ARHGAP44: variants seen among roughly 807,000 people sequenced by gnomAD.
ARHGAP44 encodes rho GTPase-activating protein 44.
A neutral mutation model predicts 106.8 loss-of-function variants in ARHGAP44; 43 were observed. The observed-to-expected ratio is 0.40, with a 90% confidence interval of 0.32 to 0.52. ARHGAP44 has a LOEUF of 0.52. ARHGAP44 is among the 20% of genes least tolerant of loss of function. The pLI is 0.48. For missense variants in ARHGAP44, 866 were observed against 1,050.5 expected, an observed-to-expected ratio of 0.82 and a Z score of 2.43; for synonymous variants, 439 against 410.3, an observed-to-expected ratio of 1.07 and a Z score of -0.85.
intron 1 of ARHGAP44, among the ~76,000 whole-genome samples, chr17:12,893,767 G>T (rs1476011408): frequency 1.3e-5 from 2 of 152,280 alleles, no homozygotes; most frequent in Non-Finnish European, 2.9e-5. Context: ...TTTCTAGGCT[G>T]CTCCTTTCTT....
chr17:12,859,630 A>G lies in ARHGAP44; in HGVS notation c.54-35310A>G, dbSNP rs74887618. Among the ~76,000 whole-genome samples, 463 of 152,314 alleles carry G rather than the reference A, an allele frequency of 3.0e-3. 13 individuals carry two copies. In the South Asian group the frequency reaches 0.045, roughly 15 times the overall value. On this transcript the variant is annotated intron_variant, in intron 1 of 20. Transcript: ENST00000379672. ...GTCTCATTGTTATTCTTGTTGAGTCATATCTGCCATCTTTTGCTGTTCTAT... is the reference window on the plus strand; with the variant it reads ...GTCTCATTGTTATTCTTGTTGAGTCGTATCTGCCATCTTTTGCTGTTCTAT...
chr17:12,956,789 A>G (rs1285656203), intron 15 of ARHGAP44, 43 bp downstream of exon 15: 2 of 1,564,270 alleles, frequency 1.3e-6, no homozygotes, highest in South Asian at 1.1e-5. Flanking sequence ...GGCAGGGAAC[A>G]GGAGTATCAC....
At position 12,941,082 on chromosome 17, in the gene ARHGAP44, T is replaced by G; in HGVS notation, c.609T>G (p.Ser203Arg). The stretch of plus-strand genomic sequence containing the variant: ...ACCAGCTCTCAGCTGATATGTACAG[T>G]TTTGTGGCCAAAGAAATTGACTATG... ...CRDQLSADMY[S>R]FVAKEIDYAN... Residue 203 changes from serine to arginine, a missense_variant, in exon 8 of 21, where the codon AGT becomes AGG. This residue lies in a region of ARHGAP44 where 448 missense variants were observed against 646.9 expected (regional missense o/e 0.69). Transcript: ENST00000379672. The G allele has an allele frequency of 6.2e-7, 1 of 1,614,032 alleles. No individual in the cohort carries two copies. The highest frequency in any genetic ancestry group is 8.5e-7 in the Non-Finnish European group (1 of 1,179,894).
intron 19 of ARHGAP44, among the ~76,000 whole-genome samples, chr17:12,983,786 A>G (rs2039890362): frequency 6.6e-6 from 1 of 152,198 alleles, no homozygotes; most frequent in African/African-American, 2.4e-5. Flanking sequence ...CCTGGGCGAC[A>G]AAAGCAAAGC....
chr17:12,804,949 T>C lies in ARHGAP44; in HGVS notation c.53+15058T>C, dbSNP rs115225773. Among the ~76,000 whole-genome samples, 207 of 152,304 alleles carry C rather than the reference T, an allele frequency of 1.4e-3. 1 individual carries two copies. Among genetic ancestry groups the C allele is most frequent in the African/African-American group, 4.7e-3 (196 of 41,542 alleles). Reference sequence around the variant, plus strand: ...CCTAGCTTCCTCCATCATTCTTGAATGGGAATCTGGTGTCCACTATATCTG... The same window carrying C: ...CCTAGCTTCCTCCATCATTCTTGAACGGGAATCTGGTGTCCACTATATCTG... On this transcript the variant is annotated intron_variant, in intron 1 of 20. Transcript: ENST00000379672.
rs894916050 is a variant in ARHGAP44 at position 12,947,199 on chromosome 17, C to T, written c.862-1941C>T. Among the ~76,000 whole-genome samples the T allele has an allele frequency of 3.9e-5, 6 of 152,202 alleles. No homozygotes were observed. In the South Asian group the frequency reaches 8.3e-4, roughly 21 times the overall value. On this transcript the variant is annotated intron_variant, in intron 10 of 20. Transcript: ENST00000379672. ...TACAGATCTTCCTCTGGTGTTGCTT[C>T]GCCCCTGTCACTGGGCTAAAACTGT...
intron 1 of ARHGAP44, among the ~76,000 whole-genome samples, chr17:12,855,099 C>A (rs554837794): frequency 2.0e-5 from 3 of 152,200 alleles, no homozygotes; most frequent in African/African-American, 7.2e-5. Flanking sequence ...GACCACCTTG[C>A]ACACTGGGTG....
intron 15 of ARHGAP44, 132 bp downstream of exon 15, chr17:12,956,878 C>A (rs1162800034): frequency 3.0e-6 from 2 of 664,654 alleles, no homozygotes; most frequent in South Asian, 3.5e-5. Context: ...CACACACACA[C>A]ACACACACAC....
At chr17:12,819,062 G>A (rs1315764882) in intron 1 of ARHGAP44, among the ~76,000 whole-genome samples, 1 of 152,016 alleles carries the variant, frequency 6.6e-6, no homozygotes, top group Non-Finnish European at 1.5e-5. Context: ...TATTGATAAA[G>A]ACATGTACAT....
At chr17:12,854,393 T>C (rs1405686060) in intron 1 of ARHGAP44, among the ~76,000 whole-genome samples, 5 of 151,784 alleles carry the variant, frequency 3.3e-5, no homozygotes, top group African/African-American at 9.7e-5. Flanking sequence ...TAACCATTTT[T>C]CCCCCCTTTG....
rs369382576 is a variant in ARHGAP44 at position 12,918,588 on chromosome 17, T to C, written c.388-1167T>C. On this transcript the variant is annotated intron_variant, in intron 5 of 20. Transcript: ENST00000379672. The stretch of plus-strand genomic sequence containing the variant: ...AGAAAAGCCATGATGGCAATGTTTA[T>C]TCATTATTGACTGGAAAAGTCTTAC... Among the ~76,000 whole-genome samples, 28 of 152,336 alleles carry C rather than the reference T, an allele frequency of 1.8e-4. No homozygotes were observed. The East Asian group carries it at 3.9e-3, about 21-fold the overall frequency.
At chr17:12,903,140 A>AGAGAGAGAGAGTGTGT (rs1403029479) in intron 3 of ARHGAP44, among the ~76,000 whole-genome samples, 1 of 57,574 alleles carries the variant, frequency 1.7e-5, no homozygotes, top group African/African-American at 6.3e-5. Context: ...AGAGAGAGAG[A>AGAGAGAGAGAGTGTGT]GTGTGTGTGT....
chr17:12,791,286 GGTA>G (rs1479653799), intron 1 of ARHGAP44, among the ~76,000 whole-genome samples: 1 of 152,208 alleles, frequency 6.6e-6, no homozygotes, highest in African/African-American at 2.4e-5. Flanking sequence ...TTTCTGGCAT[GGTA>G]TTGCCACAGA....
At chr17:12,824,124 C>T (rs906205830) in intron 1 of ARHGAP44, among the ~76,000 whole-genome samples, 5 of 152,172 alleles carry the variant, frequency 3.3e-5, no homozygotes, top group Admixed American at 6.5e-5. Context: ...CCTCGTGGAT[C>T]ACTCTACAGT....
intron 1 of ARHGAP44, among the ~76,000 whole-genome samples, chr17:12,854,326 C>T (rs865798453): frequency 6.6e-6 from 1 of 152,170 alleles, no homozygotes; most frequent in South Asian, 2.1e-4. Context: ...CTTTTTTTCC[C>T]CAAAGCGTAC....
intron 1 of ARHGAP44, among the ~76,000 whole-genome samples, chr17:12,796,185 G>C (rs1462945793): frequency 2.0e-5 from 3 of 150,264 alleles, no homozygotes; most frequent in African/African-American, 7.5e-5. Context: ...AAAGAGTACA[G>C]ACCATACTCT....
At chr17:12,932,320 A>G in intron 7 of ARHGAP44, among the ~76,000 whole-genome samples, 1 of 152,358 alleles carries the variant, frequency 6.6e-6, no homozygotes, top group East Asian at 1.9e-4. Context: ...GTATTTATAC[A>G]CATTCTTAAT....
intron 1 of ARHGAP44, among the ~76,000 whole-genome samples, chr17:12,852,057 A>T (rs1453944839): frequency 6.6e-6 from 1 of 150,574 alleles, no homozygotes; most frequent in Admixed American, 6.6e-5. Context: ...ATTTGAGTGG[A>T]TGAGGCTGAA....
intron 1 of ARHGAP44, among the ~76,000 whole-genome samples, chr17:12,816,499 T>C (rs533085799): frequency 3.3e-5 from 5 of 152,346 alleles, no homozygotes; most frequent in Admixed American, 2.0e-4. Context: ...CTTTAAGCTG[T>C]CATTATTTTC....
Sources: gnomAD v4.1 joint callset for allele counts (sites outside exome capture counted in the v4.1 genomes callset) on GRCh38, gnomAD v4.1.1 for gene constraint, gnomAD v4.1.1 regional missense constraint, MANE v1.5 for transcripts, NCBI Gene and HGNC (gene_info 2026-07-23, HGNC 2026-07-21) for gene names.